LRMDA: variants seen among roughly 807,000 people sequenced by gnomAD.
LRMDA encodes leucine-rich melanocyte differentiation-associated protein.
Under a neutral mutation model 29.8 loss-of-function variants are expected in LRMDA, and 18 were observed. The observed-to-expected ratio is 0.60, with a 90% CI of 0.42 to 0.90. LRMDA has a LOEUF of 0.90. Ranked by LOEUF, LRMDA falls within the 40% of genes least tolerant of loss-of-function variation. LRMDA has a pLI of 0.00. For synonymous variants in LRMDA, 125 were observed against 109.4 expected (o/e 1.14, Z -0.89); for missense variants, 273 against 273.9 (o/e 1.00, Z 0.02).
intron 5 of LRMDA, among the ~76,000 whole-genome samples, chr10:76,295,582 T>G (rs1840401530): frequency 6.6e-6 from 1 of 152,228 alleles, no homozygotes; most frequent in Non-Finnish European, 1.5e-5. Context: ...GGGTGTGCCC[T>G]CTGCTTTGCT....
intron 2 of LRMDA, among the ~76,000 whole-genome samples, chr10:75,804,585 C>T (rs1843815054): frequency 6.6e-6 from 1 of 152,258 alleles, no homozygotes; most frequent in South Asian, 2.1e-4. Context: ...TCCTCCTGGC[C>T]CTGGCTGAGG....
At chr10:76,380,274 C>T (rs1247891298) in intron 6 of LRMDA, among the ~76,000 whole-genome samples, 1 of 152,040 alleles carries the variant, frequency 6.6e-6, no homozygotes, top group African/African-American at 2.4e-5. Flanking sequence ...GATTTTCTGC[C>T]TCCATGTCAT....
chr10:76,067,881 T>G (rs1006636027), intron 5 of LRMDA, among the ~76,000 whole-genome samples: 4 of 152,178 alleles, frequency 2.6e-5, no homozygotes, highest in Non-Finnish European at 5.9e-5. Flanking sequence ...TTAATAGAGC[T>G]CTGTCTTCCT....
chr10:75,967,447 A>G (rs1846882583), intron 2 of LRMDA, among the ~76,000 whole-genome samples: 1 of 152,214 alleles, frequency 6.6e-6, no homozygotes, highest in Non-Finnish European at 1.5e-5. Flanking sequence ...CCTAAATTGT[A>G]TAACATTACT....
intron 5 of LRMDA, among the ~76,000 whole-genome samples, chr10:76,215,257 G>T (rs1048367405): frequency 6.6e-6 from 1 of 152,192 alleles, no homozygotes; most frequent in African/African-American, 2.4e-5. Context: ...AGCATGTGCA[G>T]GTTTGACTCT....
chr10:76,181,260 A>T (rs1011291202), intron 5 of LRMDA, among the ~76,000 whole-genome samples: 1 of 152,174 alleles, frequency 6.6e-6, no homozygotes, highest in Non-Finnish European at 1.5e-5. Context: ...CCTTGAGCTC[A>T]TTCTCACTGG....
intron 2 of LRMDA, among the ~76,000 whole-genome samples, chr10:75,941,943 G>T (rs1019731669): frequency 6.6e-6 from 1 of 152,082 alleles, no homozygotes; most frequent in African/African-American, 2.4e-5. Context: ...GTGGTTGGGA[G>T]GTTTAAAATA....
At chr10:76,478,897 T>C (rs184185163) in intron 6 of LRMDA, among the ~76,000 whole-genome samples, 1,309 of 63,258 alleles carry the variant, frequency 0.021, 19 homozygotes, top group African/African-American at 0.076. Flanking sequence ...AGGCCTGTTG[T>C]GGGGTGTGGG....
At chr10:75,462,074 A>G (rs938605799) in intron 2 of LRMDA, among the ~76,000 whole-genome samples, 12 of 152,264 alleles carry the variant, frequency 7.9e-5, no homozygotes, top group African/African-American at 2.4e-4. Flanking sequence ...TGGCTGTCAG[A>G]ATGAGATGTT....
intron 6 of LRMDA, among the ~76,000 whole-genome samples, chr10:76,489,672 G>A (rs1842814060): frequency 6.6e-6 from 1 of 151,772 alleles, no homozygotes; most frequent in South Asian, 2.1e-4. Flanking sequence ...TAGTACTGCT[G>A]TCATGGTATC....
At chr10:76,090,423 G>T (rs950407863) in intron 5 of LRMDA, among the ~76,000 whole-genome samples, 1 of 152,186 alleles carries the variant, frequency 6.6e-6, no homozygotes, top group African/African-American at 2.4e-5. Context: ...GAACCCTCGT[G>T]TGCTGTTGGT....
At chr10:75,885,095 A>G (rs1845362534) in intron 2 of LRMDA, among the ~76,000 whole-genome samples, 1 of 151,890 alleles carries the variant, frequency 6.6e-6, no homozygotes, top group Non-Finnish European at 1.5e-5. Flanking sequence ...AGGCTGGGGG[A>G]TGACAGTAGT....
chr10:76,054,915 T>C (rs1287626081), intron 4 of LRMDA, among the ~76,000 whole-genome samples: 3 of 150,848 alleles, frequency 2.0e-5, no homozygotes, highest in Non-Finnish European at 3.0e-5. Context: ...AATACAAAAA[T>C]AAGCCAGGAG....
chr10:75,436,188 G>C (rs1436083253), intron 1 of LRMDA, among the ~76,000 whole-genome samples: 3 of 152,104 alleles, frequency 2.0e-5, no homozygotes, highest in Non-Finnish European at 4.4e-5. Flanking sequence ...CTAAGAAGCT[G>C]TATTGTGCTG....
intron 2 of LRMDA, among the ~76,000 whole-genome samples, chr10:75,884,841 T>A (rs1223111010): frequency 6.6e-6 from 1 of 152,222 alleles, no homozygotes; most frequent in Non-Finnish European, 1.5e-5. Context: ...TTTTCCAGTT[T>A]AGAAGACTGA....
chr10:76,430,618 A>G (rs1212159542), intron 6 of LRMDA, among the ~76,000 whole-genome samples: 2 of 152,170 alleles, frequency 1.3e-5, no homozygotes, highest in Admixed American at 1.3e-4. Flanking sequence ...GTTTCCTCCT[A>G]GGGAACCACA....
At chr10:75,532,876 G>A (rs1845494300) in intron 2 of LRMDA, among the ~76,000 whole-genome samples, 1 of 152,048 alleles carries the variant, frequency 6.6e-6, no homozygotes, top group African/African-American at 2.4e-5. Flanking sequence ...TGAAACTACT[G>A]GTTTGTTTTG....
chr10:75,873,644 A>G (rs1845149067), intron 2 of LRMDA, among the ~76,000 whole-genome samples: 1 of 152,210 alleles, frequency 6.6e-6, no homozygotes, highest in Non-Finnish European at 1.5e-5. Context: ...CATTTGGAGC[A>G]GGTTACATTT....
intron 2 of LRMDA, among the ~76,000 whole-genome samples, chr10:75,888,221 A>T (rs1159996150): frequency 6.6e-6 from 1 of 152,126 alleles, no homozygotes; most frequent in Non-Finnish European, 1.5e-5. Context: ...GTACTGAAGA[A>T]AAAAAGAGAG....
Sources: gnomAD v4.1 joint callset for allele counts (sites outside exome capture counted in the v4.1 genomes callset) on GRCh38, gnomAD v4.1.1 for gene constraint, MANE v1.5 for transcripts, NCBI Gene and HGNC (gene_info 2026-07-23, HGNC 2026-07-21) for gene names.